Variants in AMBRA1 observed in about 807,000 individuals in gnomAD.
AMBRA1 encodes the protein activating molecule in BECN1-regulated autophagy protein 1.
Under a neutral mutation model 125.4 loss-of-function variants are expected in AMBRA1, and 47 were observed. The ratio of observed to expected loss-of-function variants is 0.37; its 90% CI spans 0.30 to 0.48. AMBRA1 has a LOEUF of 0.48. AMBRA1 is among the 20% of genes least tolerant of loss of function. The probability of loss-of-function intolerance (pLI) is 0.99; values close to 1 mark genes in which losing one functional copy is unlikely to be tolerated. For missense variants in AMBRA1, 1,331 were observed against 1,693.4 expected (o/e 0.79, Z 3.76); for synonymous variants, 626 against 655.5 (o/e 0.95, Z 0.69).
At chr11:46,586,509 G>C (rs1362972942) in intron 1 of AMBRA1, among the ~76,000 whole-genome samples, 1 of 151,982 alleles carries the variant, frequency 6.6e-6, no homozygotes, top group Admixed American at 6.6e-5. Flanking sequence ...AGGGTACTGT[G>C]GGGAAAGAGG....
chr11:46,398,029 G>C, intron 17 of AMBRA1, 86 bp from the exon 18 acceptor site: 1 of 1,488,058 alleles, frequency 6.7e-7, no homozygotes, highest in Admixed American at 2.2e-5. Flanking sequence ...TAGCAGCTGG[G>C]GGATTCTTGA....
At chr11:46,449,330 T>C (rs1948462150) in intron 11 of AMBRA1, among the ~76,000 whole-genome samples, 1 of 152,218 alleles carries the variant, frequency 6.6e-6, no homozygotes, top group South Asian at 2.1e-4. Context: ...TAAATAATTA[T>C]AGCAAGGTTT....
At chr11:46,485,682 G>A (rs778256601) in intron 11 of AMBRA1, among the ~76,000 whole-genome samples, 4 of 152,196 alleles carry the variant, frequency 2.6e-5, no homozygotes, top group Non-Finnish European at 5.9e-5. Flanking sequence ...AAGGGCACAC[G>A]GGTAAAGCAT....
chr11:46,562,160 A>C (rs1027801572), intron 1 of AMBRA1, among the ~76,000 whole-genome samples: 11 of 152,226 alleles, frequency 7.2e-5, no homozygotes, highest in African/African-American at 2.2e-4. Flanking sequence ...AGCCTCTCTG[A>C]GATGACATTT....
At chr11:46,546,624 A>G (rs1402626135) in intron 4 of AMBRA1, among the ~76,000 whole-genome samples, 1 of 125,332 alleles carries the variant, frequency 8.0e-6, no homozygotes, top group Non-Finnish European at 1.6e-5. Flanking sequence ...AAGCTATTGC[A>G]AAAAAAAAAA....
At chr11:46,579,239 C>T (rs1015876904) in intron 1 of AMBRA1, among the ~76,000 whole-genome samples, 4 of 152,122 alleles carry the variant, frequency 2.6e-5, no homozygotes, top group African/African-American at 9.7e-5. Flanking sequence ...AGGAGTATCA[C>T]CTGAGGTCAG....
intron 8 of AMBRA1, among the ~76,000 whole-genome samples, chr11:46,512,044 C>G (rs565711999): frequency 6.6e-6 from 1 of 152,008 alleles, no homozygotes; most frequent in African/African-American, 2.4e-5. Context: ...TTAGTAGAGA[C>G]GGGGTTTTGC....
At chr11:46,425,990 C>CA (rs1260724905) in intron 14 of AMBRA1, among the ~76,000 whole-genome samples, 1 of 138,230 alleles carries the variant, frequency 7.2e-6, no homozygotes, top group African/African-American at 2.7e-5. Context: ...ACTAAAAATA[C>CA]AAAAAAATTA....
chr11:46,495,182 C>T (rs1480450320), intron 9 of AMBRA1: 1 of 152,232 alleles, frequency 6.6e-6, no homozygotes, highest in African/African-American at 2.4e-5. Context: ...AGGGCACTGG[C>T]TGGACAGAGC....
chr11:46,400,767 G>A (rs956379722), intron 17 of AMBRA1, among the ~76,000 whole-genome samples: 2 of 151,988 alleles, frequency 1.3e-5, no homozygotes, highest in African/African-American at 4.8e-5. Context: ...GATTACATGG[G>A]TGAGTCACTG....
chr11:46,476,081 C>G (rs1949801192), intron 11 of AMBRA1, among the ~76,000 whole-genome samples: 1 of 152,150 alleles, frequency 6.6e-6, no homozygotes, highest in South Asian at 2.1e-4. Flanking sequence ...TGCCTGAAAA[C>G]AATGACTGAT....
At chr11:46,558,148 C>A (rs1264662307) in intron 1 of AMBRA1, among the ~76,000 whole-genome samples, 1 of 152,176 alleles carries the variant, frequency 6.6e-6, no homozygotes, top group Admixed American at 6.5e-5. Flanking sequence ...CCAGACAAGT[C>A]CTGCCCAAAT....
At position 46,397,861 on chromosome 11, in the gene AMBRA1, G is replaced by C; in HGVS notation, c.3486C>G (p.Ala1162=). The C allele has an allele frequency of 6.2e-7, 1 of 1,600,764 alleles. No individual in the cohort carries two copies. The highest frequency in any genetic ancestry group is 1.1e-5 in the South Asian group (1 of 91,072). The change falls in exon 18 of 18, where the codon GCC becomes GCG. Residue 1162 remains alanine (A), a synonymous_variant. Coordinates refer to ENST00000683756, the MANE Select transcript of AMBRA1 (RefSeq NM_001387011.1). ...TGGTGCTCTGCTCCCGCTGCACCAC[G>C]GCTGTCATGCCGCCCTCCGCCATCA... The part of the protein sequence containing the change: ...QRLMAEGGMT[A]VVQREQSTTM...
Position 46,543,385 on chromosome 11 carries a change from G to A in AMBRA1, c.632C>T (p.Pro211Leu), listed in dbSNP as rs1952848291. Residue 211 changes from proline (P) to leucine (L), a missense_variant, in exon 7 of 18, where the codon CCA (proline) becomes CTA (leucine). Pro to Leu is a moderately conservative substitution (Grantham distance 98). Transcript: ENST00000683756. The stretch of plus-strand genomic sequence containing the variant: ...TTCTGTTCCATCTATGGGGATCTCT[G>A]GTTCGTCATCACCCTGCAACGTGGA... ...NPSNQQGDDE[P>L]EIPIDGTELS... 3.1e-6 allele frequency: 5 copies of A among 1,613,916 alleles called. No homozygotes were observed. In the South Asian group the frequency reaches 4.4e-5, roughly 14 times the overall value.
At chr11:46,452,336 TTTG>T (rs759932665) in intron 11 of AMBRA1, among the ~76,000 whole-genome samples, 10 of 152,066 alleles carry the variant, frequency 6.6e-5, no homozygotes, top group Non-Finnish European at 1.3e-4. Flanking sequence ...TTTAAGGTTT[TTTG>T]TTGTTGTTGT....
intron 12 of AMBRA1, among the ~76,000 whole-genome samples, chr11:46,438,691 C>T (rs1947849680): frequency 6.6e-6 from 1 of 152,184 alleles, no homozygotes; most frequent in African/African-American, 2.4e-5. Flanking sequence ...GCCTGCCCCA[C>T]ACCACTCATC....
chr11:46,496,942 T>C (rs993505926), intron 9 of AMBRA1, among the ~76,000 whole-genome samples: 5 of 151,838 alleles, frequency 3.3e-5, no homozygotes, highest in African/African-American at 1.2e-4. Flanking sequence ...TGAAACCTCA[T>C]CTCTACTAAA....
intron 9 of AMBRA1, among the ~76,000 whole-genome samples, chr11:46,500,534 T>C (rs1234266893): frequency 6.6e-6 from 1 of 152,198 alleles, no homozygotes; most frequent in African/African-American, 2.4e-5. Flanking sequence ...AAATATATAT[T>C]GGATGATGGC....
chr11:46,404,297 G>A (rs1945900568), intron 17 of AMBRA1, among the ~76,000 whole-genome samples: 1 of 152,202 alleles, frequency 6.6e-6, no homozygotes, highest in African/African-American at 2.4e-5. Context: ...TGACCAGAGG[G>A]TTTCACTATC....
Sources: allele counts gnomAD v4.1 joint callset (sites outside exome capture counted in the v4.1 genomes callset), GRCh38; gene constraint gnomAD v4.1.1; transcripts MANE v1.5; gene names NCBI Gene and HGNC (gene_info 2026-07-23, HGNC 2026-07-21).